SGCD: variants seen among roughly 807,000 people sequenced by gnomAD.
The protein encoded by SGCD is delta-sarcoglycan.
In SGCD, 18 loss-of-function variants were observed where a neutral mutation model predicts 36.6. That is an observed-to-expected ratio of 0.49 (90% CI 0.34 to 0.73). The LOEUF is 0.73. SGCD is among the 30% of genes least tolerant of loss of function. The probability of loss-of-function intolerance (pLI) is 0.01; values close to 1 mark genes in which losing one functional copy is unlikely to be tolerated. For missense variants in SGCD, 387 were observed against 346.7 expected (o/e 1.12, Z -0.92); for synonymous variants, 133 against 130.6 (o/e 1.02, Z -0.12).
At chr5:155,862,253 T>G in the SGCD span, among the ~76,000 whole-genome samples, 1 of 152,186 alleles carries the variant, frequency 6.6e-6, no homozygotes, top group Non-Finnish European at 1.5e-5. Flanking sequence ...TATTTAATAT[T>G]TATAGATACT....
At chr5:156,431,991 C>T (rs1158066721) in intron 3 of SGCD, among the ~76,000 whole-genome samples, 2 of 152,170 alleles carry the variant, frequency 1.3e-5, no homozygotes, top group Admixed American at 1.3e-4. Flanking sequence ...GCTGGAATTA[C>T]AGGCGTGAGC....
At chr5:156,674,180 G>T (rs1291807428) in intron 7 of SGCD, among the ~76,000 whole-genome samples, 1 of 152,166 alleles carries the variant, frequency 6.6e-6, no homozygotes, top group Non-Finnish European at 1.5e-5. Flanking sequence ...TAATGGATTG[G>T]ACATGGCCCA....
intron 3 of SGCD, among the ~76,000 whole-genome samples, chr5:156,194,817 T>C (rs1426352365): frequency 6.6e-6 from 1 of 152,150 alleles, no homozygotes; most frequent in African/African-American, 2.4e-5. Flanking sequence ...TTGAACCTTT[T>C]ATGGCTCAGT....
chr5:156,003,674 A>G (rs1393300817), intron 1 of SGCD, among the ~76,000 whole-genome samples: 1 of 152,216 alleles, frequency 6.6e-6, no homozygotes, highest in Non-Finnish European at 1.5e-5. Flanking sequence ...AGGTGGTCAA[A>G]GCAGCTTTTG....
intron 1 of SGCD, among the ~76,000 whole-genome samples, chr5:156,039,824 C>A (rs527399322): frequency 3.3e-5 from 5 of 152,154 alleles, no homozygotes; most frequent in African/African-American, 9.6e-5. Flanking sequence ...TGCAGAAAAG[C>A]TTCAGTTGGC....
At chr5:155,870,088 A>G (rs1175080841), upstream of SGCD, among the ~76,000 whole-genome samples, 1 of 152,234 alleles carries the variant, frequency 6.6e-6, no homozygotes, top group Non-Finnish European at 1.5e-5. Context: ...TATAAACTAC[A>G]TAACACAAAG....
intron 1 of SGCD, among the ~76,000 whole-genome samples, chr5:156,081,420 G>T (rs928757776): frequency 2.6e-5 from 4 of 151,988 alleles, no homozygotes; most frequent in African/African-American, 7.3e-5. Context: ...TTGAGACAGG[G>T]TCTCACTCTG....
At chr5:155,792,572 A>C in the SGCD span, among the ~76,000 whole-genome samples, 1 of 152,098 alleles carries the variant, frequency 6.6e-6, no homozygotes, top group Non-Finnish European at 1.5e-5. Flanking sequence ...AAAAAAAATT[A>C]TCCAACTAAA....
chr5:156,131,628 A>G (rs1394142805), intron 3 of SGCD, among the ~76,000 whole-genome samples: 3 of 152,194 alleles, frequency 2.0e-5, no homozygotes, highest in African/African-American at 7.2e-5. Flanking sequence ...GTTTTCTAAA[A>G]ACTATATCAG....
At chr5:155,832,007 T>G in the SGCD span, among the ~76,000 whole-genome samples, 1 of 152,228 alleles carries the variant, frequency 6.6e-6, no homozygotes, top group Non-Finnish European at 1.5e-5. Flanking sequence ...CTGTTATCAC[T>G]CACAGATGCT....
Position 156,625,732 on chromosome 5 carries a change from A to G in SGCD, c.503-21732A>G, listed in dbSNP as rs572845322. ...TGAGCACCTATTATGTGCAATCACT[A>G]TGATAAGCTGGGGATTCAGCTAGAG... On this transcript the variant is annotated intron_variant, in intron 6 of 8. Coordinates refer to ENST00000337851, the MANE Select transcript of SGCD (RefSeq NM_000337.6). 3.9e-5 allele frequency among the ~76,000 whole-genome samples: 6 copies of G among 152,372 alleles called. 1 individual carries two copies. Among genetic ancestry groups the G allele is most frequent in the African/African-American group, 1.2e-4 (5 of 41,588 alleles).
intron 4 of SGCD, among the ~76,000 whole-genome samples, chr5:156,534,412 C>T (rs1758011732): frequency 6.6e-6 from 1 of 152,162 alleles, no homozygotes; most frequent in Non-Finnish European, 1.5e-5. Context: ...TTGTTCATGG[C>T]CTTGCCATAT....
chr5:155,827,624 T>C, the SGCD span, among the ~76,000 whole-genome samples: 1 of 151,598 alleles, frequency 6.6e-6, no homozygotes, highest in Non-Finnish European at 1.5e-5. Context: ...GATTGGGTAA[T>C]ATGAGATAAT....
rs1349661621 is a variant in SGCD, at chr5:156,054,475, C to T, written c.-281-63403C>T. Among the ~76,000 whole-genome samples the T allele has an allele frequency of 6.9e-5, 10 of 145,002 alleles. No individual in the cohort carries two copies. The East Asian group carries it at 9.7e-4, about 14-fold the overall frequency. ...TAATTTTTTGTATTTTTAGTAGAGA[C>T]GGCGTTTCACCGTGTTAGCCAGGAT... is the stretch of plus-strand genomic sequence containing the variant. On this transcript the variant is annotated intron_variant, in intron 1 of 9. Coordinates refer to the SGCD transcript ENST00000517913.
the SGCD span, among the ~76,000 whole-genome samples, chr5:155,733,633 CTT>C: frequency 4.1e-5 from 6 of 146,908 alleles, no homozygotes; most frequent in African/African-American, 7.5e-5. Flanking sequence ...ATGCTGGACA[CTT>C]TTTTTTTTTT....
intron 1 of SGCD, among the ~76,000 whole-genome samples, chr5:156,000,569 G>A (rs1758642931): frequency 6.6e-6 from 1 of 152,052 alleles, no homozygotes; most frequent in African/African-American, 2.4e-5. Flanking sequence ...CCCCATTGAT[G>A]TCAATACAAG....
rs544964349 is a variant in SGCD at position 156,609,838 on chromosome 5, G to A, written c.502+14787G>A. ...ACCCTTTCTTCCAGTTGATCGAATC[G>A]GCTCCTGAGGCTTGTGCATTCATCA... On this transcript the variant is annotated intron_variant, in intron 6 of 8. Transcript: ENST00000337851. 5.9e-5 allele frequency among the ~76,000 whole-genome samples: 9 copies of A among 152,120 alleles called. No homozygotes were observed. The South Asian group carries it at 1.0e-3, about 18-fold the overall frequency.
rs150458537 is a variant in SGCD, at chr5:156,363,758, C to T, written c.192+19081C>T. Among the ~76,000 whole-genome samples the T allele has an allele frequency of 7.5e-3, 1,136 of 152,180 alleles. 10 individuals are homozygous for T. Among genetic ancestry groups the T allele is most frequent in the Non-Finnish European group, 0.012 (846 of 68,006 alleles). On this transcript the variant is annotated intron_variant, in intron 3 of 8. Coordinates refer to ENST00000337851, the MANE Select transcript of SGCD (RefSeq NM_000337.6). ...GGCAATGAAATTTTCTTATTAGTTC[C>T]CTTATTTCCCTAATAAATCTTACAT...
intron 3 of SGCD, among the ~76,000 whole-genome samples, chr5:156,169,325 G>A (rs1028173859): frequency 2.6e-5 from 4 of 152,166 alleles, no homozygotes; most frequent in Admixed American, 2.6e-4. Flanking sequence ...CGGTCTTGTC[G>A]CATTTCCTCA....
Sources: allele counts gnomAD v4.1 joint callset (sites outside exome capture counted in the v4.1 genomes callset), GRCh38; gene constraint gnomAD v4.1.1; transcripts MANE v1.5; gene names NCBI Gene and HGNC (gene_info 2026-07-23, HGNC 2026-07-21).